FAM193A: variants seen among roughly 807,000 people sequenced by gnomAD.
FAM193A encodes the protein family with sequence similarity 193 member A, also known as protein FAM193A.
FAM193A carries 22 observed loss-of-function variants against 126.5 expected under a neutral mutation model. That is an observed-to-expected ratio of 0.17 (90% CI 0.12 to 0.25). The LOEUF (loss-of-function observed/expected upper bound fraction) is 0.25, where lower values mean the gene tolerates loss of function less well. FAM193A is among the 10% of genes least tolerant of loss of function. FAM193A has a pLI of 1.00. For synonymous variants in FAM193A, 761 were observed against 646.8 expected, an observed-to-expected ratio of 1.18 and a Z score of -2.68; for missense variants, 1,675 against 1,672.8, an observed-to-expected ratio of 1.00 and a Z score of -0.02.
chr4:2,722,850 A>T (rs1219465022), intron 20 of FAM193A, among the ~76,000 whole-genome samples: 1 of 152,226 alleles, frequency 6.6e-6, no homozygotes, highest in African/African-American at 2.4e-5. Flanking sequence ...TAAGTAAGAG[A>T]CAGGGTTTTG....
At chr4:2,629,992 C>T (rs948664948) in intron 4 of FAM193A, among the ~76,000 whole-genome samples, 1 of 151,880 alleles carries the variant, frequency 6.6e-6, no homozygotes, top group Non-Finnish European at 1.5e-5. Flanking sequence ...ATTAGCCGGG[C>T]GTGGTGGCGG....
chr4:2,679,892 C>G (rs1023128545), intron 13 of FAM193A, among the ~76,000 whole-genome samples: 1 of 150,606 alleles, frequency 6.6e-6, no homozygotes. Context: ...CGGAGTCTTG[C>G]TCTGTCACCC....
intron 13 of FAM193A, among the ~76,000 whole-genome samples, chr4:2,679,630 G>C (rs564459436): frequency 6.6e-6 from 1 of 151,772 alleles, no homozygotes; most frequent in South Asian, 2.1e-4. Context: ...CACCCGCCTC[G>C]GTCTCCCAAA....
chr4:2,535,645 A>T (rs965915409), upstream of FAM193A, among the ~76,000 whole-genome samples: 31 of 151,628 alleles, frequency 2.0e-4, no homozygotes, highest in African/African-American at 7.0e-4. Flanking sequence ...CGGAGGGAGG[A>T]GGGTCCAGAC....
chr4:2,669,417 T>C (rs1713533351), intron 12 of FAM193A, among the ~76,000 whole-genome samples: 1 of 152,006 alleles, frequency 6.6e-6, no homozygotes, highest in African/African-American at 2.4e-5. Flanking sequence ...GAGACCAGCC[T>C]AGCCAACGTG....
intron 7 of FAM193A, among the ~76,000 whole-genome samples, chr4:2,649,686 A>G (rs867233951): frequency 5.3e-5 from 8 of 152,146 alleles, no homozygotes; most frequent in South Asian, 2.1e-4. Context: ...TGAAAAAAAT[A>G]TATAGGCATA....
Position 2,700,247 on chromosome 4 carries a change from A to G in FAM193A, c.4075A>G (p.Lys1359Glu), listed in dbSNP as rs1350934311. 2.5e-6 allele frequency: 4 copies of G among 1,613,940 alleles called. No individual in the cohort carries two copies. The African/African-American group carries it at 5.3e-5, about 22-fold the overall frequency. Residue 1359 changes from lysine (K) to glutamate (E), a missense_variant, in exon 19 of 21, where the codon AAG (lysine) becomes GAG (glutamate). This residue lies in a region of FAM193A where 415 missense variants were observed against 396.7 expected (regional missense o/e 1.05). Coordinates refer to ENST00000637812, the MANE Select transcript of FAM193A (RefSeq NM_001366318.2). ...AGCGAGGAGGCCCACAGAGCCCCCC[A>G]AGGCCACAGAGGGGCAGTCCAAGCC... is the stretch of plus-strand genomic sequence containing the variant. ...EPARRPTEPP[K>E]ATEGQSKPRA... is the part of the protein sequence containing the mutation.
chr4:2,666,183 T>G (rs1713092698), intron 12 of FAM193A, among the ~76,000 whole-genome samples: 1 of 152,242 alleles, frequency 6.6e-6, no homozygotes, highest in South Asian at 2.1e-4. Context: ...CCTAATTTCT[T>G]GAGTTTTTTC....
Position 2,732,121 on chromosome 4 carries a change from C to G in FAM193A, c.*253C>G, listed in dbSNP as rs1466645132. 1 of 518,488 alleles carries G rather than the reference C, an allele frequency of 1.9e-6. No homozygotes were observed. Among genetic ancestry groups the G allele is most frequent in the Non-Finnish European group, 3.5e-6 (1 of 285,680 alleles). The allele number at this position is 518,488 out of a possible 1,614,324, so 32.1% of individuals were successfully genotyped here. Reference sequence around the variant, plus strand: ...TTGGAACAGTAGTTCCCGCCAAGTCCTCCCACCACCGCGGCCTCGGAGGCC... The same window carrying G: ...TTGGAACAGTAGTTCCCGCCAAGTCGTCCCACCACCGCGGCCTCGGAGGCC... On this transcript the variant is annotated 3_prime_UTR_variant, in exon 21 of 21. Coordinates refer to ENST00000637812, the MANE Select transcript of FAM193A (RefSeq NM_001366318.2).
chr4:2,638,724 T>C (rs1272973307), intron 5 of FAM193A, among the ~76,000 whole-genome samples: 2 of 143,882 alleles, frequency 1.4e-5, no homozygotes, highest in Non-Finnish European at 2.9e-5. Flanking sequence ...TTTCAATCAT[T>C]ATAATCATTA....
intron 18 of FAM193A, among the ~76,000 whole-genome samples, chr4:2,698,799 T>C (rs1015994955): frequency 2.0e-5 from 3 of 152,206 alleles, no homozygotes; most frequent in Non-Finnish European, 4.4e-5. Flanking sequence ...TCAAATGCTG[T>C]CTTTACTTGG....
At position 2,731,860 on chromosome 4, in the gene FAM193A, G is replaced by A; in HGVS notation, c.4540G>A (p.Ala1514Thr). The A allele has an allele frequency of 6.2e-7, 1 of 1,611,904 alleles. No homozygotes were observed. The highest frequency in any genetic ancestry group is 1.3e-5 in the African/African-American group (1 of 75,004). ...NFSLKKATFAAH is the reference protein window; with the variant it reads ...NFSLKKATFATH The stretch of plus-strand genomic sequence containing the variant: ...TAGCTTGAAAAAAGCCACCTTTGCT[G>A]CCCACTGAATGAGGACTCCCTGGAG... Residue 1514 changes from alanine to threonine, a missense_variant, in exon 21 of 21, where the codon GCC becomes ACC. Around this residue, in one of 4 missense-constraint regions of FAM193A, gnomAD observed 20 missense variants for 52.2 expected, o/e 0.38. Coordinates refer to ENST00000637812, the MANE Select transcript of FAM193A (RefSeq NM_001366318.2).
chr4:2,654,847 G>C (rs1035841873), intron 7 of FAM193A: 3 of 399,492 alleles, frequency 7.5e-6, no homozygotes, highest in Non-Finnish European at 1.3e-5. Context: ...ATCTTGAGTG[G>C]GGAATGTGTG....
At chr4:2,563,987 T>G (rs1220909729) in intron 1 of FAM193A, among the ~76,000 whole-genome samples, 1 of 152,218 alleles carries the variant, frequency 6.6e-6, no homozygotes, top group East Asian at 1.9e-4. Flanking sequence ...TTACTTTTAT[T>G]TCTGTATTGC....
intron 1 of FAM193A, among the ~76,000 whole-genome samples, chr4:2,554,928 TTCTA>T (rs1483713100): frequency 5.3e-5 from 8 of 152,208 alleles, no homozygotes; most frequent in Non-Finnish European, 1.0e-4. Flanking sequence ...GTTATATTTT[TTCTA>T]TCTTTTTGCT....
At chr4:2,545,814 T>C (rs1737510519) in intron 1 of FAM193A, among the ~76,000 whole-genome samples, 1 of 152,144 alleles carries the variant, frequency 6.6e-6, no homozygotes, top group Non-Finnish European at 1.5e-5. Context: ...CCCAGGTAGC[T>C]GGGACTACAG....
At chr4:2,659,787 G>T (rs201125809) in intron 9 of FAM193A, 25 bp from the exon 10 acceptor site, 38 of 1,613,928 alleles carry the variant, frequency 2.4e-5, no homozygotes, top group Non-Finnish European at 3.1e-5. Flanking sequence ...GGTTGGCTTG[G>T]TAACTGTCCT....
intron 1 of FAM193A, among the ~76,000 whole-genome samples, chr4:2,572,254 G>C (rs1270341946): frequency 6.6e-6 from 1 of 151,446 alleles, no homozygotes; most frequent in East Asian, 1.9e-4. Context: ...GCTTGAACCT[G>C]GCAGGCAGAG....
At chr4:2,699,177 C>A (rs1439516851) in intron 18 of FAM193A, among the ~76,000 whole-genome samples, 1 of 152,178 alleles carries the variant, frequency 6.6e-6, no homozygotes, top group Non-Finnish European at 1.5e-5. Context: ...TTCTTACATT[C>A]CCTGTTCAAG....
Sources: allele counts gnomAD v4.1 joint callset (sites outside exome capture counted in the v4.1 genomes callset), GRCh38; gene constraint gnomAD v4.1.1; regional missense constraint gnomAD v4.1.1; transcripts MANE v1.5; gene names NCBI Gene and HGNC (gene_info 2026-07-23, HGNC 2026-07-21).